Variants in FREM1 observed in about 807,000 individuals in gnomAD.
FREM1 encodes FRAS1 related extracellular matrix 1.
A neutral mutation model predicts 210.1 loss-of-function variants in FREM1; 220 were observed. The observed-to-expected ratio is 1.05, with a 90% CI of 0.94 to 1.17. FREM1 has a LOEUF of 1.17. FREM1 is among the 50% of genes most tolerant of loss of function. The probability of loss-of-function intolerance (pLI) is 0.00; values close to 1 mark genes in which losing one functional copy is unlikely to be tolerated. For missense variants in FREM1, 3,454 were observed against 2,675.5 expected (o/e 1.29, Z -6.42); for synonymous variants, 1,189 against 980.2 (o/e 1.21, Z -3.98).
chr9:14,744,309 T>C (rs975384021), intron 35 of FREM1, among the ~76,000 whole-genome samples: 35 of 152,138 alleles, frequency 2.3e-4, no homozygotes, highest in African/African-American at 8.0e-4. Context: ...TTGATGAATT[T>C]TGCCAATTGT....
chr9:14,903,733 A>G (rs1342389014), intron 1 of FREM1, among the ~76,000 whole-genome samples: 1 of 152,214 alleles, frequency 6.6e-6, no homozygotes, highest in African/African-American at 2.4e-5. Flanking sequence ...TTTTGTATAA[A>G]TAAATGAAAT....
At chr9:14,849,628 C>T (rs1827299391) in intron 6 of FREM1, among the ~76,000 whole-genome samples, 1 of 152,174 alleles carries the variant, frequency 6.6e-6, no homozygotes, top group Non-Finnish European at 1.5e-5. Context: ...TCAAGGCTGC[C>T]AAAGCAACAG....
At chr9:14,834,375 G>C (rs1455440749) in intron 10 of FREM1, among the ~76,000 whole-genome samples, 1 of 152,176 alleles carries the variant, frequency 6.6e-6, no homozygotes, top group Non-Finnish European at 1.5e-5. Context: ...AGCATAGCAA[G>C]AAGGTCTTAA....
chr9:14,820,135 G>A (rs950264758), intron 13 of FREM1, among the ~76,000 whole-genome samples: 2 of 152,222 alleles, frequency 1.3e-5, no homozygotes, highest in African/African-American at 2.4e-5. Context: ...CATTGGGAGG[G>A]AGCAATAAGT....
At position 14,776,064 on chromosome 9, in the gene FREM1, C is replaced by A; in HGVS notation, c.4582G>T (p.Asp1528Tyr). Reference sequence around the variant, plus strand: ...TCAGGGTCGGTCAGCTGAAGGAGGTCAGGGGAAAGCAGGCCCACGGCCCCT... The same window carrying A: ...TCAGGGTCGGTCAGCTGAAGGAGGTAAGGGGAAAGCAGGCCCACGGCCCCT... ...AQGAVGLLSP[D>Y]LLQLTDPDTP... Residue 1528 changes from aspartate to tyrosine, a missense_variant, in exon 25 of 37, where the codon GAC (aspartate) becomes TAC (tyrosine). Physicochemically the swap from Asp to Tyr is radical, Grantham distance 160. Coordinates refer to ENST00000380880, the MANE Select transcript of FREM1 (RefSeq NM_001379081.2). 6.2e-7 allele frequency: 1 copy of A among 1,613,674 alleles called. No individual in the cohort carries two copies. The highest frequency in any genetic ancestry group is 8.5e-7 in the Non-Finnish European group (1 of 1,179,594).
chr9:14,756,451 G>C lies in FREM1; in HGVS notation c.5335-5C>G. 1 of 1,579,326 alleles carries C rather than the reference G, an allele frequency of 6.3e-7. No individual in the cohort carries two copies. The highest frequency in any genetic ancestry group is 8.6e-7 in the Non-Finnish European group (1 of 1,161,666). ...TGCAGCTGACACTTGGTTGACCTTA[G>C]GAGGGAAAAAAAAATCTTTTTAAGA... On this transcript the variant is annotated splice_polypyrimidine_tract_variant and splice_region_variant and intron_variant, in intron 28 of 36. Transcript: ENST00000380880.
At chr9:14,762,943 G>C (rs1845770943) in intron 27 of FREM1, among the ~76,000 whole-genome samples, 1 of 152,090 alleles carries the variant, frequency 6.6e-6, no homozygotes, top group Non-Finnish European at 1.5e-5. Flanking sequence ...TCCAGATCCA[G>C]GAGCCCATGA....
Position 14,868,744 on chromosome 9 carries a change from C to T in FREM1, c.234G>A (p.Gln78=). Reference sequence around the variant, plus strand: ...ACAGAAAATCGCAGATAGGACCTACCTGTGGAGTGAGTTTCCCAACCCTCT... The same window carrying T: ...ACAGAAAATCGCAGATAGGACCTACTTGTGGAGTGAGTTTCCCAACCCTCT... ...ITQRVGKLTP[Q]VFDCHFLPNE... The change falls in exon 2 of 37, where the codon CAG becomes CAA. Residue 78 remains glutamine, a splice_region_variant and synonymous_variant. Coordinates refer to ENST00000380880, the MANE Select transcript of FREM1 (RefSeq NM_001379081.2). 6.3e-7 allele frequency: 1 copy of T among 1,598,326 alleles called. No individual in the cohort carries two copies. The highest frequency in any genetic ancestry group is 2.2e-5 in the East Asian group (1 of 44,740).
intron 28 of FREM1, among the ~76,000 whole-genome samples, chr9:14,757,328 G>C (rs7036406): frequency 0.28 from 41,919 of 152,152 alleles, 5,931 homozygotes; most frequent in African/African-American, 0.31. Context: ...GCAGAGGTGG[G>C]TGGATCACTT....
At chr9:14,827,777 G>C (rs950393937) in intron 10 of FREM1, among the ~76,000 whole-genome samples, 1 of 152,310 alleles carries the variant, frequency 6.6e-6, no homozygotes, top group East Asian at 1.9e-4. Flanking sequence ...TTTCAAGGGA[G>C]GGACCTGTGG....
chr9:14,848,844 T>G, intron 6 of FREM1, 71 bp from the exon 7 acceptor site: 1 of 889,100 alleles, frequency 1.1e-6, no homozygotes, highest in East Asian at 2.5e-5. Flanking sequence ...AATTCTGGGT[T>G]ATACCCACAC....
intron 12 of FREM1, among the ~76,000 whole-genome samples, 152 bp from the exon 13 acceptor site, chr9:14,823,479 T>G (rs1379521308): frequency 6.6e-6 from 1 of 152,180 alleles, no homozygotes; most frequent in Non-Finnish European, 1.5e-5. Context: ...TATTTTTACT[T>G]CAATGGCAAA....
chr9:14,764,091 T>A (rs543981256), intron 27 of FREM1, among the ~76,000 whole-genome samples: 40 of 152,282 alleles, frequency 2.6e-4, no homozygotes, highest in African/African-American at 8.4e-4. Flanking sequence ...GTTTCCACCA[T>A]ACTGTTCTTG....
intron 2 of FREM1, 47 bp from the exon 3 acceptor site, chr9:14,863,950 C>T (rs756832580): frequency 1.7e-6 from 2 of 1,203,696 alleles, no homozygotes; most frequent in South Asian, 1.2e-5. Flanking sequence ...AAAATTGGTA[C>T]AAGATTTAAC....
intron 1 of FREM1, among the ~76,000 whole-genome samples, chr9:14,888,726 T>A (rs965730178): frequency 2.6e-5 from 4 of 152,214 alleles, no homozygotes; most frequent in African/African-American, 9.6e-5. Flanking sequence ...TGCTTCCTCT[T>A]CTCTACAATG....
intron 16 of FREM1, among the ~76,000 whole-genome samples, chr9:14,811,199 C>A (rs1437823462): frequency 1.3e-5 from 2 of 152,088 alleles, no homozygotes; most frequent in Admixed American, 1.3e-4. Context: ...TAACCAAAAG[C>A]CGTCTATTTG....
In FREM1 at chr9:14,770,582, G is replaced by A. The variant is rs1874109; in HGVS notation, c.5059+23C>T. ...CACTGGGTATTTTAAAATGGCAATT[G>A]TAAGGATTAAGGAGGCCAGTACCTG... On this transcript the variant is annotated intron_variant, in intron 26 of 36. Transcript: ENST00000380880. 566,701 of 1,576,674 alleles carry A rather than the reference G, an allele frequency of 0.36. 104,220 individuals carry two copies. The highest frequency in any genetic ancestry group is 0.43 in the Middle Eastern group (2,200 of 5,170).
At chr9:14,875,441 A>T (rs1833521983) in intron 1 of FREM1, among the ~76,000 whole-genome samples, 1 of 152,002 alleles carries the variant, frequency 6.6e-6, no homozygotes, top group Non-Finnish European at 1.5e-5. Flanking sequence ...TCCATCACTG[A>T]TACCCTTTCT....
chr9:14,899,141 A>G (rs1383285447), intron 1 of FREM1, among the ~76,000 whole-genome samples: 2 of 152,156 alleles, frequency 1.3e-5, no homozygotes, highest in African/African-American at 2.4e-5. Context: ...TTTGTTCATC[A>G]TGCTTCCGGG....
Sources: allele counts gnomAD v4.1 joint callset (sites outside exome capture counted in the v4.1 genomes callset), GRCh38; gene constraint gnomAD v4.1.1; transcripts MANE v1.5; gene names NCBI Gene and HGNC (gene_info 2026-07-23, HGNC 2026-07-21).